The following PABPC4L variants were observed in gnomAD, a reference collection of about 807,000 sequenced individuals.
PABPC4L encodes the protein polyadenylate-binding protein 4-like.
For missense variants in PABPC4L, 452 were observed against 451.4 expected (o/e 1.00, Z -0.01); for synonymous variants, 169 against 164.1 (o/e 1.03, Z -0.23).
At chr4:134,089,366 A>G in the PABPC4L span, among the ~76,000 whole-genome samples, 1 of 152,100 alleles carries the variant, frequency 6.6e-6, no homozygotes, top group Admixed American at 6.6e-5. Context: ...AGAGTGCTAT[A>G]TGCGTTGCAA....
At chr4:134,059,827 A>G in the PABPC4L span, among the ~76,000 whole-genome samples, 1 of 152,214 alleles carries the variant, frequency 6.6e-6, no homozygotes, top group African/African-American at 2.4e-5. Flanking sequence ...CATCTCCCCG[A>G]CAGGAATACC....
the PABPC4L span, among the ~76,000 whole-genome samples, chr4:134,013,913 A>G: frequency 6.6e-6 from 1 of 151,972 alleles, no homozygotes; most frequent in Admixed American, 6.6e-5. Context: ...CCTCACACCC[A>G]GTCAGGCTTA....
chr4:134,062,091 G>T, the PABPC4L span, among the ~76,000 whole-genome samples: 1 of 151,204 alleles, frequency 6.6e-6, no homozygotes, highest in Non-Finnish European at 1.5e-5. Context: ...GTTAAGATAG[G>T]AAATGTATGA....
the PABPC4L span, among the ~76,000 whole-genome samples, chr4:134,122,504 C>A: frequency 6.6e-6 from 1 of 151,802 alleles, no homozygotes; most frequent in Non-Finnish European, 1.5e-5. Flanking sequence ...TAGTTTTGTA[C>A]ACTACAGTCT....
chr4:134,023,288 T>C, the PABPC4L span, among the ~76,000 whole-genome samples: 1 of 152,198 alleles, frequency 6.6e-6, no homozygotes, highest in African/African-American at 2.4e-5. Context: ...TTACCAAGTC[T>C]AAACTTTTAT....
the PABPC4L span, among the ~76,000 whole-genome samples, chr4:134,087,987 G>A: frequency 1.3e-5 from 2 of 152,020 alleles, no homozygotes; most frequent in African/African-American, 2.4e-5. Context: ...ACTACCTGAG[G>A]AAGTGTATAA....
At chr4:133,986,638 GA>G in the PABPC4L span, among the ~76,000 whole-genome samples, 13 of 150,926 alleles carry the variant, frequency 8.6e-5, no homozygotes, top group African/African-American at 2.9e-4. Flanking sequence ...TTAAAAACTT[GA>G]AAAAAAGAGA....
chr4:134,056,471 T>C, the PABPC4L span, among the ~76,000 whole-genome samples: 6 of 152,086 alleles, frequency 3.9e-5, no homozygotes, highest in African/African-American at 1.4e-4. Flanking sequence ...TCCATGAGCA[T>C]AGTATTTCTT....
chr4:134,145,203 A>G, the PABPC4L span, among the ~76,000 whole-genome samples: 1 of 151,826 alleles, frequency 6.6e-6, no homozygotes, highest in African/African-American at 2.4e-5. Flanking sequence ...GATGTTAGCA[A>G]AATGATTCCC....
At chr4:134,041,826 A>C in the PABPC4L span, among the ~76,000 whole-genome samples, 1 of 152,178 alleles carries the variant, frequency 6.6e-6, no homozygotes, top group Admixed American at 6.6e-5. Flanking sequence ...ACTGCTGGTG[A>C]TAATGTAAAT....
At chr4:134,016,300 A>T in the PABPC4L span, among the ~76,000 whole-genome samples, 2 of 152,072 alleles carry the variant, frequency 1.3e-5, no homozygotes, top group East Asian at 3.9e-4. Flanking sequence ...GACTCTAAAT[A>T]TGCCTTCCAT....
the PABPC4L span, among the ~76,000 whole-genome samples, chr4:134,011,385 G>T: frequency 1.3e-5 from 2 of 151,864 alleles, no homozygotes; most frequent in Admixed American, 1.3e-4. Context: ...GTTATAGAAT[G>T]CTGAAAAAAA....
rs1413401932 is a variant in PABPC4L, at chr4:134,200,671, G to A, written c.349C>T (p.His117Tyr). The A allele has an allele frequency of 6.4e-7, 1 of 1,551,512 alleles. No individual in the cohort carries two copies. Among genetic ancestry groups the A allele is most frequent in the Non-Finnish European group, 8.7e-7 (1 of 1,146,962 alleles). Residue 117 changes from histidine to tyrosine, a missense_variant, in exon 2 of 2, where the codon CAT becomes TAT. His to Tyr is a moderately conservative substitution (Grantham distance 83). Coordinates refer to ENST00000421491, the MANE Select transcript of PABPC4L (RefSeq NM_001114734.2). ...AGGATCTTTCCAAAAGCTGAAAAATGTTCATAAAGGGTTTTGTTATCGATA... is the reference window on the plus strand; with the variant it reads ...AGGATCTTTCCAAAAGCTGAAAAATATTCATAAAGGGTTTTGTTATCGATA... ...KSIDNKTLYE[H>Y]FSAFGKILSS...
At chr4:134,025,462 A>G in the PABPC4L span, among the ~76,000 whole-genome samples, 2 of 152,134 alleles carry the variant, frequency 1.3e-5, no homozygotes, top group South Asian at 4.1e-4. Flanking sequence ...TTGCTAGAGC[A>G]CCAGCTCTTA....
At chr4:134,168,027 A>C in the PABPC4L span, among the ~76,000 whole-genome samples, 31 of 152,038 alleles carry the variant, frequency 2.0e-4, no homozygotes, top group Middle Eastern at 3.2e-3. Flanking sequence ...CAAAGATAGT[A>C]TATGTGTTAG....
At chr4:133,985,998 T>C in the PABPC4L span, among the ~76,000 whole-genome samples, 1 of 152,222 alleles carries the variant, frequency 6.6e-6, no homozygotes, top group South Asian at 2.1e-4. Flanking sequence ...GCACTTGTTT[T>C]ATATTGTACA....
At chr4:134,133,380 A>G in the PABPC4L span, among the ~76,000 whole-genome samples, 1 of 143,476 alleles carries the variant, frequency 7.0e-6, no homozygotes, top group East Asian at 2.0e-4. Context: ...ATAATTATAC[A>G]TAATATATAA....
At chr4:134,184,179 T>C in the PABPC4L span, among the ~76,000 whole-genome samples, 1 of 151,896 alleles carries the variant, frequency 6.6e-6, no homozygotes, top group Non-Finnish European at 1.5e-5. Context: ...GACCCAAACA[T>C]AGAACAAATA....
chr4:134,131,724 A>G, the PABPC4L span, among the ~76,000 whole-genome samples: 12 of 145,294 alleles, frequency 8.3e-5, no homozygotes, highest in Admixed American at 7.6e-4. Context: ...CAAAAAAAAA[A>G]AAAAAAAAAA....
Sources: allele counts gnomAD v4.1 joint callset (sites outside exome capture counted in the v4.1 genomes callset), GRCh38; gene constraint gnomAD v4.1.1; transcripts MANE v1.5; gene names NCBI Gene and HGNC (gene_info 2026-07-23, HGNC 2026-07-21).